Variants in KIAA0040 observed in about 807,000 individuals in gnomAD.
KIAA0040 encodes the protein KIAA0040.
A neutral mutation model predicts 7.2 loss-of-function variants in KIAA0040; 10 were observed. The ratio of observed to expected loss-of-function variants is 1.38; its 90% CI spans 0.85 to 2.34. The LOEUF is 2.34. KIAA0040 is among the 30% of genes most tolerant of loss of function. The pLI is 0.00. For synonymous variants in KIAA0040, 49 were observed against 40.1 expected (o/e 1.22, Z -0.84); for missense variants, 89 against 108.2 (o/e 0.82, Z 0.79).
At chr1:175,169,938 T>C (rs1558392623) in intron 2 of KIAA0040, among the ~76,000 whole-genome samples, 1 of 152,194 alleles carries the variant, frequency 6.6e-6, no homozygotes, top group African/African-American at 2.4e-5. Flanking sequence ...GATGTGTCAG[T>C]TCCGGTCCTG....
At chr1:175,179,840 A>T (rs1677367058) in intron 1 of KIAA0040, among the ~76,000 whole-genome samples, 1 of 152,232 alleles carries the variant, frequency 6.6e-6, no homozygotes, top group African/African-American at 2.4e-5. Flanking sequence ...TCAAAATTGT[A>T]AAGCTGGTTA....
chr1:175,186,917 G>C lies in KIAA0040; in HGVS notation c.-384+5723C>G, dbSNP rs1274682201. 2.0e-5 allele frequency among the ~76,000 whole-genome samples: 3 copies of C among 152,264 alleles called. No individual in the cohort carries two copies. The East Asian group carries it at 5.8e-4, about 29-fold the overall frequency. On this transcript the variant is annotated intron_variant, in intron 1 of 3. Coordinates refer to ENST00000423313, the MANE Select transcript of KIAA0040 (RefSeq NM_014656.3). ...GAATGATGTGGGTCACCCATGTAAT[G>C]AGATGGGAAGCTTTTATCTAGGCCA...
intron 2 of KIAA0040, among the ~76,000 whole-genome samples, chr1:175,175,180 T>C (rs1677137448): frequency 2.0e-5 from 3 of 152,318 alleles, no homozygotes; most frequent in South Asian, 4.1e-4. Context: ...TGAAAAAGCA[T>C]GAGAACGACC....
chr1:175,184,553 C>T (rs1392019121), intron 1 of KIAA0040, among the ~76,000 whole-genome samples: 1 of 152,290 alleles, frequency 6.6e-6, no homozygotes, highest in African/African-American at 2.4e-5. Flanking sequence ...AAACATAGGA[C>T]CCAGGCATAG....
At chr1:175,186,451 C>T (rs1328680761) in intron 1 of KIAA0040, among the ~76,000 whole-genome samples, 1 of 152,174 alleles carries the variant, frequency 6.6e-6, no homozygotes, top group African/African-American at 2.4e-5. Context: ...TATAAACCAC[C>T]AAAATCTTAT....
chr1:175,161,085 C>T lies in KIAA0040; in HGVS notation c.-72G>A, dbSNP rs1162326701. The T allele has an allele frequency of 1.5e-6, 2 of 1,362,946 alleles. No homozygotes were observed. The highest frequency in any genetic ancestry group is 2.6e-5 in the Admixed American group (1 of 37,948). 84.4% of individuals were successfully genotyped at this position (1,362,946 alleles called of 1,614,324 possible). A position where few individuals can be genotyped will look rare whatever the true frequency, so the allele number is the denominator to read the frequency against. ...AGGTCCTGGGCTCAAAAGGATGCAA[C>T]CTTGACCACTTGTAATTTATTCCTC... On this transcript the variant is annotated 5_prime_UTR_variant, in exon 4 of 4. Coordinates refer to ENST00000423313, the MANE Select transcript of KIAA0040 (RefSeq NM_014656.3).
chr1:175,158,569 T>C lies in KIAA0040; in HGVS notation c.*2145A>G, dbSNP rs1035317644. 5 of 152,476 alleles carry C rather than the reference T, an allele frequency of 3.3e-5. No homozygotes were observed. The highest frequency in any genetic ancestry group is 1.2e-4 in the African/African-American group (5 of 41,414). 9.4% of individuals were successfully genotyped at this position (152,476 alleles called of 1,614,324 possible). On this transcript the variant is annotated 3_prime_UTR_variant, in exon 4 of 4. Coordinates refer to ENST00000423313, the MANE Select transcript of KIAA0040 (RefSeq NM_014656.3). ...AGACAGGAAGGGCAGCTTGTCCTGGTGAGCAGTGGCAGTTGTGGGGAGATG... is the reference window on the plus strand; with the variant it reads ...AGACAGGAAGGGCAGCTTGTCCTGGCGAGCAGTGGCAGTTGTGGGGAGATG...
intron 1 of KIAA0040, among the ~76,000 whole-genome samples, chr1:175,180,900 A>C (rs1241307141): frequency 2.0e-5 from 3 of 152,192 alleles, no homozygotes; most frequent in Non-Finnish European, 4.4e-5. Flanking sequence ...CACCCAGGCT[A>C]GTGTGCAGTG....
chr1:175,176,983 T>TC (rs993613298), intron 2 of KIAA0040, among the ~76,000 whole-genome samples: 1 of 152,104 alleles, frequency 6.6e-6, no homozygotes, highest in Non-Finnish European at 1.5e-5. Flanking sequence ...GACACAGGGT[T>TC]CCCTTAGCCT....
At chr1:175,176,530 G>T (rs1200200055) in intron 2 of KIAA0040, 1 of 152,150 alleles carries the variant, frequency 6.6e-6, no homozygotes, top group Non-Finnish European at 1.5e-5. Flanking sequence ...TTCTGCATGG[G>T]CTTAAATCTG....
intron 1 of KIAA0040, among the ~76,000 whole-genome samples, chr1:175,178,523 G>A (rs1677298597): frequency 3.9e-5 from 6 of 152,226 alleles, no homozygotes. Flanking sequence ...GATTTTTCCT[G>A]TAGTTGCATG....
chr1:175,161,990 C>T (rs1422160172), intron 3 of KIAA0040, among the ~76,000 whole-genome samples: 2 of 152,150 alleles, frequency 1.3e-5, no homozygotes, highest in African/African-American at 2.4e-5. Flanking sequence ...TGCTTGGAAA[C>T]CAGAGTGAGG....
chr1:175,163,956 A>C (rs1316838205), intron 3 of KIAA0040, among the ~76,000 whole-genome samples: 2 of 151,664 alleles, frequency 1.3e-5, no homozygotes, highest in Non-Finnish European at 2.9e-5. Flanking sequence ...GTATTTTGAC[A>C]GAGAAATATA....
intron 1 of KIAA0040, among the ~76,000 whole-genome samples, chr1:175,178,975 G>T (rs932438026): frequency 2.7e-5 from 4 of 150,134 alleles, no homozygotes; most frequent in Non-Finnish European, 5.9e-5. Context: ...CGGGGCGGGG[G>T]GGGGGATATC....
At chr1:175,170,560 G>A (rs1459035368) in intron 2 of KIAA0040, among the ~76,000 whole-genome samples, 2 of 152,060 alleles carry the variant, frequency 1.3e-5, no homozygotes, top group Non-Finnish European at 2.9e-5. Flanking sequence ...CACATAATAG[G>A]TGCTAATAAA....
intron 1 of KIAA0040, among the ~76,000 whole-genome samples, chr1:175,183,110 T>A (rs1677505051): frequency 6.6e-6 from 1 of 152,228 alleles, no homozygotes; most frequent in Non-Finnish European, 1.5e-5. Context: ...TGGAATCATC[T>A]GTAGCGCGGA....
At chr1:175,161,324 A>C (rs1445147390) in intron 3 of KIAA0040, among the ~76,000 whole-genome samples, 178 bp from the exon 4 acceptor site, 1 of 152,220 alleles carries the variant, frequency 6.6e-6, no homozygotes, top group East Asian at 1.9e-4. Flanking sequence ...ATAAGCATCA[A>C]CTAATTCTTG....
chr1:175,174,044 C>T (rs1168509691), intron 2 of KIAA0040, among the ~76,000 whole-genome samples: 1 of 146,888 alleles, frequency 6.8e-6, no homozygotes, highest in Non-Finnish European at 1.5e-5. Context: ...ACACCCCAGT[C>T]CCCATCCTGC....
Position 175,170,862 on chromosome 1 carries a change from CCGTCACTAGAAGTATGA to C in KIAA0040, c.-309-4142_-309-4126del, listed in dbSNP as rs576334894. Among the ~76,000 whole-genome samples, 1,188 of 150,630 alleles carry C rather than the reference CCGTCACTAGAAGTATGA, an allele frequency of 7.9e-3. 17 individuals are homozygous for C. Among genetic ancestry groups the C allele is most frequent in the African/African-American group, 0.027 (1,122 of 40,848 alleles). ...GGCCCTGCTCACGCCTCATGGCTTC[CCGTCACTAGAAGTATGA>C]CATCTAAACTAGAAGTATGACATCT... On this transcript the variant is annotated intron_variant, in intron 2 of 3. Transcript: ENST00000423313.
Sources: gnomAD v4.1 joint callset for allele counts (sites outside exome capture counted in the v4.1 genomes callset) on GRCh38, gnomAD v4.1.1 for gene constraint, MANE v1.5 for transcripts, NCBI Gene and HGNC (gene_info 2026-07-23, HGNC 2026-07-21) for gene names.